The following STXBP4 variants were observed in gnomAD, a reference collection of about 807,000 sequenced individuals.
The protein encoded by STXBP4 is syntaxin binding protein 4, also known as syntaxin-binding protein 4.
Under a neutral mutation model 76.1 loss-of-function variants are expected in STXBP4, and 55 were observed. The ratio of observed to expected loss-of-function variants is 0.72; its 90% CI spans 0.58 to 0.91. The LOEUF (loss-of-function observed/expected upper bound fraction) is 0.91. STXBP4 is among the 40% of genes least tolerant of loss of function. STXBP4 has a pLI of 0.00. For synonymous variants in STXBP4, 201 were observed against 220.2 expected (o/e 0.91, Z 0.77); for missense variants, 618 against 636.9 (o/e 0.97, Z 0.32).
chr17:55,092,364 TA>T (rs1455173778), intron 16 of STXBP4, among the ~76,000 whole-genome samples: 1 of 128,756 alleles, frequency 7.8e-6, no homozygotes, highest in African/African-American at 2.6e-5. Context: ...ATATTTCTAT[TA>T]ACAGTAAAAA....
At chr17:55,194,568 T>C in the STXBP4 span, among the ~76,000 whole-genome samples, 1 of 152,310 alleles carries the variant, frequency 6.6e-6, no homozygotes, top group Middle Eastern at 3.4e-3. Context: ...CCCCTCCTAC[T>C]GTCTGTTAAT....
intron 16 of STXBP4, among the ~76,000 whole-genome samples, chr17:55,091,429 A>G (rs1349129629): frequency 6.6e-6 from 1 of 152,170 alleles, no homozygotes; most frequent in Non-Finnish European, 1.5e-5. Flanking sequence ...CAGATTGAAC[A>G]TCCCAAATCT....
chr17:55,070,171 G>A (rs563937533), intron 12 of STXBP4, among the ~76,000 whole-genome samples: 1 of 152,284 alleles, frequency 6.6e-6, no homozygotes, highest in East Asian at 1.9e-4. Context: ...TCACTTACTA[G>A]GTTTGTGATT....
At chr17:55,083,313 T>C (rs2079280895) in intron 16 of STXBP4, among the ~76,000 whole-genome samples, 1 of 152,114 alleles carries the variant, frequency 6.6e-6, no homozygotes, top group East Asian at 1.9e-4. Flanking sequence ...CATCTCCTTT[T>C]TCACTAAATG....
At chr17:55,034,070 G>T in intron 9 of STXBP4, 98 bp from the exon 10 acceptor site, 1 of 752,248 alleles carries the variant, frequency 1.3e-6, no homozygotes, top group Non-Finnish European at 2.2e-6. Context: ...GATAATTTAT[G>T]TGGGTTAAAT....
chr17:55,057,967 G>A (rs979163405), intron 12 of STXBP4, among the ~76,000 whole-genome samples: 3 of 152,070 alleles, frequency 2.0e-5, no homozygotes, highest in East Asian at 3.8e-4. Flanking sequence ...ATGGGCATTT[G>A]GGTTGGTTCC....
intron 16 of STXBP4, among the ~76,000 whole-genome samples, chr17:55,103,682 A>G (rs995566414): frequency 6.6e-6 from 1 of 151,730 alleles, no homozygotes; most frequent in Admixed American, 6.6e-5. Context: ...AGTCAATGGT[A>G]GCTTGATGGG....
chr17:55,090,456 A>G (rs549590492), intron 16 of STXBP4, among the ~76,000 whole-genome samples: 1 of 152,132 alleles, frequency 6.6e-6, no homozygotes, highest in Non-Finnish European at 1.5e-5. Flanking sequence ...ATGCAAAGGT[A>G]CATTTCACCC....
chr17:54,988,985 A>G (rs866024069), intron 3 of STXBP4, among the ~76,000 whole-genome samples: 22 of 152,362 alleles, frequency 1.4e-4, no homozygotes, highest in Admixed American at 2.6e-4. Context: ...CTTTTTAAAA[A>G]AATTTCTTCT....
At chr17:55,087,797 G>A (rs2079357945) in intron 16 of STXBP4, among the ~76,000 whole-genome samples, 2 of 151,828 alleles carry the variant, frequency 1.3e-5, no homozygotes, top group South Asian at 4.2e-4. Context: ...TATTTTGATG[G>A]GTATTATATT....
Position 55,165,309 on chromosome 17 carries a change from GAGA to G in STXBP4, c.*5401_*5403del, listed in dbSNP as rs1186527909. ...AGAACAAAAATGTTGGTAGGGCACAGAGAAGGACCTGGGCTTAACCTTCTGGAC... is the reference window on the plus strand; with the variant it reads ...AGAACAAAAATGTTGGTAGGGCACAGAGGACCTGGGCTTAACCTTCTGGAC... On this transcript the variant is annotated 3_prime_UTR_variant, in exon 18 of 18. Transcript: ENST00000376352. 6.6e-6 allele frequency: 1 copy of G among 152,230 alleles called. No homozygotes were observed. Among genetic ancestry groups the G allele is most frequent in the African/African-American group, 2.4e-5 (1 of 41,444 alleles). The allele number at this position is 152,230 out of a possible 1,614,324, so 9.4% of individuals were successfully genotyped here. A position where few individuals can be genotyped will look rare whatever the true frequency, so the allele number is the denominator to read the frequency against.
intron 12 of STXBP4, among the ~76,000 whole-genome samples, chr17:55,070,894 T>A (rs540390983): frequency 6.6e-6 from 1 of 152,308 alleles, no homozygotes; most frequent in East Asian, 1.9e-4. Flanking sequence ...ATGTTCTAAG[T>A]TGAGACAGAA....
chr17:55,165,150 A>C lies in STXBP4; in HGVS notation c.*5239A>C, dbSNP rs1298328724. 1.3e-5 allele frequency: 2 copies of C among 152,222 alleles called. No homozygotes were observed. Among genetic ancestry groups the C allele is most frequent in the African/African-American group, 2.4e-5 (1 of 41,444 alleles). The allele number at this position is 152,222 out of a possible 1,614,324, so 9.4% of individuals were successfully genotyped here. On this transcript the variant is annotated 3_prime_UTR_variant, in exon 18 of 18. Coordinates refer to ENST00000376352, the MANE Select transcript of STXBP4 (RefSeq NM_178509.6). Reference sequence around the variant, plus strand: ...AAAGCATGTTCTTTTGCATTTCAAAAATTTAGCTCCTTGGGGAACTAGAAA... The same window carrying C: ...AAAGCATGTTCTTTTGCATTTCAAACATTTAGCTCCTTGGGGAACTAGAAA...
chr17:55,027,926 T>C (rs2078443998), intron 8 of STXBP4, among the ~76,000 whole-genome samples: 1 of 152,252 alleles, frequency 6.6e-6, no homozygotes, highest in East Asian at 1.9e-4. Context: ...TTTTTTTACA[T>C]ATATGCTTTT....
chr17:55,078,067 T>A lies in STXBP4; in HGVS notation c.1189-11T>A, dbSNP rs761052296. 6.4e-7 allele frequency: 1 copy of A among 1,553,484 alleles called. No homozygotes were observed. The highest frequency in any genetic ancestry group is 1.8e-5 in the Admixed American group (1 of 54,356). On this transcript the variant is annotated splice_polypyrimidine_tract_variant and intron_variant, in intron 13 of 17. Transcript: ENST00000376352. Reference sequence around the variant, plus strand: ...AAATGTGTAAATGCTCCTTTTGATATCTCTGTGCAGGAAAGTGTTCAGGAT... The same window carrying A: ...AAATGTGTAAATGCTCCTTTTGATAACTCTGTGCAGGAAAGTGTTCAGGAT...
rs191767265 is a variant in STXBP4 at position 54,981,699 on chromosome 17, A to G, written c.-156-3915A>G. Among the ~76,000 whole-genome samples the G allele has an allele frequency of 1.7e-4, 23 of 137,978 alleles. No homozygotes were observed. The East Asian group carries it at 4.1e-3, about 25-fold the overall frequency. The allele number at this position is 137,978 out of a possible 152,430, so 90.5% of individuals were successfully genotyped here. On this transcript the variant is annotated intron_variant, in intron 1 of 17. Coordinates refer to ENST00000376352, the MANE Select transcript of STXBP4 (RefSeq NM_178509.6). The stretch of plus-strand genomic sequence containing the variant: ...AAAACCTGGAAATCATAAAAGATTC[A>G]TAAGTTAGCCACAAACTTTTGTGTA...
the STXBP4 span, among the ~76,000 whole-genome samples, chr17:55,192,604 ACT>A: frequency 3.3e-5 from 5 of 152,104 alleles, no homozygotes; most frequent in Non-Finnish European, 5.9e-5. Flanking sequence ...GGGAGAAATC[ACT>A]CTTTCCAAGA....
chr17:55,155,474 TC>T (rs1237392025), intron 17 of STXBP4, among the ~76,000 whole-genome samples: 1 of 151,964 alleles, frequency 6.6e-6, no homozygotes, highest in Non-Finnish European at 1.5e-5. Flanking sequence ...GTCTTTGTTT[TC>T]TGTTTTATAT....
Position 55,161,367 on chromosome 17 carries a change from G to A in STXBP4, c.*1456G>A, listed in dbSNP as rs244303. 0.61 allele frequency: 92,352 copies of A among 152,018 alleles called. 28,461 individuals are homozygous for A. Among genetic ancestry groups the A allele is most frequent in the African/African-American group, 0.68 (28,383 of 41,480 alleles). The allele number at this position is 152,018 out of a possible 1,614,324, so 9.4% of individuals were successfully genotyped here. Reference sequence around the variant, plus strand: ...CATTTGAATGTTAGGAAGCTTCGGGGAGACAAGTTTTGAGAGAAGCCCCAG... The same window carrying A: ...CATTTGAATGTTAGGAAGCTTCGGGAAGACAAGTTTTGAGAGAAGCCCCAG... On this transcript the variant is annotated 3_prime_UTR_variant, in exon 18 of 18. Transcript: ENST00000376352.
Sources: gnomAD v4.1 joint callset for allele counts (sites outside exome capture counted in the v4.1 genomes callset) on GRCh38, gnomAD v4.1.1 for gene constraint, MANE v1.5 for transcripts, NCBI Gene and HGNC (gene_info 2026-07-23, HGNC 2026-07-21) for gene names.